IQGAP1: variants seen among roughly 807,000 people sequenced by gnomAD.
IQGAP1 encodes IQ motif containing GTPase activating protein 1.
A neutral mutation model predicts 215.6 loss-of-function variants in IQGAP1; 66 were observed. The ratio of observed to expected loss-of-function variants is 0.31; its 90% confidence interval spans 0.25 to 0.38. IQGAP1 has a LOEUF of 0.38. IQGAP1 is among the 10% of genes least tolerant of loss of function. The pLI is 1.00. For missense variants in IQGAP1, 1,712 were observed against 1,997.1 expected (o/e 0.86, Z 2.72); for synonymous variants, 772 against 728.7 (o/e 1.06, Z -0.96).
At chr15:90,471,485 G>A (rs1054495952) in intron 18 of IQGAP1, among the ~76,000 whole-genome samples, 5 of 151,136 alleles carry the variant, frequency 3.3e-5, no homozygotes, top group African/African-American at 4.9e-5. Context: ...GCATGACCTC[G>A]CTCTACCTCA....
chr15:90,485,663 C>A (rs746705825), intron 30 of IQGAP1, among the ~76,000 whole-genome samples: 1 of 152,110 alleles, frequency 6.6e-6, no homozygotes, highest in Non-Finnish European at 1.5e-5. Flanking sequence ...TGGTCTTGAA[C>A]GCCTGACCTC....
Position 90,474,568 on chromosome 15 carries a change from C to G in IQGAP1, c.2659C>G (p.Leu887Val). Reference protein sequence around the residue: ...DQSDQDFQEELDLMKMREEVI... With the variant: ...DQSDQDFQEEVDLMKMREEVI... ...AAGTGACCAGGATTTTCAGGAGGAG[C>G]TTGACCTTATGAAGATGCGGGAAGA... The change falls in exon 23 of 38, where the codon CTT (leucine) becomes GTT (valine). Residue 887 changes from leucine (L) to valine (V), a missense_variant. Physicochemically the swap from Leu to Val is conservative, Grantham distance 32 (BLOSUM62 1). Transcript: ENST00000268182. 6.2e-7 allele frequency: 1 copy of G among 1,614,118 alleles called. No individual in the cohort carries two copies. Among genetic ancestry groups the G allele is most frequent in the Non-Finnish European group, 8.5e-7 (1 of 1,179,966 alleles).
At chr15:90,487,701 T>C in intron 33 of IQGAP1, 119 bp downstream of exon 33, 1 of 683,630 alleles carries the variant, frequency 1.5e-6, no homozygotes, top group Non-Finnish European at 2.5e-6. Flanking sequence ...TGAGCATGAA[T>C]GTAACTGGGG....
chr15:90,458,284 T>C (rs1481110381), intron 15 of IQGAP1, among the ~76,000 whole-genome samples: 1 of 152,234 alleles, frequency 6.6e-6, no homozygotes. Context: ...ACACATGGAT[T>C]ATTTCCACTT....
intron 28 of IQGAP1, chr15:90,482,616 G>T: frequency 1.9e-6 from 1 of 514,432 alleles, no homozygotes. Context: ...TGCTAAGGCT[G>T]TTGCTGATAA....
rs12438963 is a variant in IQGAP1, at chr15:90,396,188, T to C, written c.155+5315T>C. 8.6e-3 allele frequency among the ~76,000 whole-genome samples: 1,317 copies of C among 152,332 alleles called. 39 individuals carry two copies. In the East Asian group the frequency reaches 0.11, roughly 12 times the overall value. On this transcript the variant is annotated intron_variant, in intron 2 of 37. Coordinates refer to ENST00000268182, the MANE Select transcript of IQGAP1 (RefSeq NM_003870.4). ...TGTGCATATGTCTTTACTGTTGGCA[T>C]AGAGCATTTTCTGGGATGGGCTCTT...
At chr15:90,422,346 A>G (rs1965148309) in intron 2 of IQGAP1, among the ~76,000 whole-genome samples, 1 of 152,006 alleles carries the variant, frequency 6.6e-6, no homozygotes, top group Non-Finnish European at 1.5e-5. Flanking sequence ...TTCTTTTTCA[A>G]TGTTTATATT....
rs559734539 is a variant in IQGAP1, at chr15:90,389,790, TAA to T, written c.56-968_56-967del. Among the ~76,000 whole-genome samples the T allele has an allele frequency of 5.2e-3, 699 of 134,802 alleles. 8 individuals carry two copies. Among genetic ancestry groups the T allele is most frequent in the African/African-American group, 0.018 (661 of 36,654 alleles). 88.4% of individuals were successfully genotyped at this position (134,802 alleles called of 152,430 possible). ...GGCAGCACAGTGAGACTCCATCTCT[TAA>T]AAAAAAAAAAAAAAATTAGCCAGGC... On this transcript the variant is annotated intron_variant, in intron 1 of 37. Coordinates refer to ENST00000268182, the MANE Select transcript of IQGAP1 (RefSeq NM_003870.4).
chr15:90,432,580 G>A (rs892143181), intron 4 of IQGAP1, among the ~76,000 whole-genome samples: 6 of 151,994 alleles, frequency 3.9e-5, no homozygotes, highest in African/African-American at 1.4e-4. Flanking sequence ...TTATTTTTCT[G>A]TTATTTTCTA....
chr15:90,440,719 G>GT, intron 7 of IQGAP1, 104 bp downstream of exon 7: 1 of 708,858 alleles, frequency 1.4e-6, no homozygotes, highest in Non-Finnish European at 2.4e-6. Context: ...TTGCCAGCAA[G>GT]TTTAAGTCCA....
In IQGAP1 at chr15:90,476,833, G is replaced by T; in HGVS notation, c.2940+15G>T. 5 of 1,581,884 alleles carry T rather than the reference G, an allele frequency of 3.2e-6. No homozygotes were observed. The highest frequency in any genetic ancestry group is 4.3e-6 in the Non-Finnish European group (5 of 1,171,964). On this transcript the variant is annotated intron_variant, in intron 24 of 37. Transcript: ENST00000268182. ...ATTTATTGCAAGTAAGTGGCTCCTG[G>T]AATCAGTGTTATAAAAATTTAGTGA...
chr15:90,404,835 C>T (rs1005328727), intron 2 of IQGAP1, among the ~76,000 whole-genome samples: 1 of 152,180 alleles, frequency 6.6e-6, no homozygotes, highest in Non-Finnish European at 1.5e-5. Flanking sequence ...CCTGCCTCGA[C>T]CTCCCAAAGT....
chr15:90,449,447 T>G (rs980019020), intron 10 of IQGAP1, 112 bp from the exon 11 acceptor site: 2 of 862,464 alleles, frequency 2.3e-6, no homozygotes, highest in Non-Finnish European at 3.5e-6. Flanking sequence ...GAGCTGTCAC[T>G]TATGACTATG....
chr15:90,389,870 A>T lies in IQGAP1; in HGVS notation c.56-904A>T, dbSNP rs1040936706. ...TGCTTGGGGCTGAGGTAGGAGGATC[A>T]TTTGAGCCCAGAAAGTCGAGGCTGC... On this transcript the variant is annotated intron_variant, in intron 1 of 37. Transcript: ENST00000268182. Among the ~76,000 whole-genome samples, 9 of 151,164 alleles carry T rather than the reference A, an allele frequency of 6.0e-5. No homozygotes were observed. The East Asian group carries it at 1.8e-3, about 30-fold the overall frequency.
In IQGAP1 at chr15:90,479,839, A is replaced by AT. The variant is rs1274844328; in HGVS notation, c.3329+1957dup. On this transcript the variant is annotated intron_variant, in intron 26 of 37. Transcript: ENST00000268182. ...TCAGATCATTGCAAAAGTCTTTTTA[A>AT]TTTTTTTGCCTGCATACCTGAGGCC... Among the ~76,000 whole-genome samples the AT allele has an allele frequency of 1.4e-4, 21 of 152,122 alleles. 1 individual carries two copies. Among genetic ancestry groups the AT allele is most frequent in the Admixed American group, 7.9e-4 (12 of 15,270 alleles).
At chr15:90,487,137 T>G in intron 32 of IQGAP1, 48 bp downstream of exon 32, 1 of 1,603,918 alleles carries the variant, frequency 6.2e-7, no homozygotes. Flanking sequence ...TCTGAAGGTT[T>G]CTTGGCCTTT....
At chr15:90,428,646 G>A (rs916593654) in intron 3 of IQGAP1, among the ~76,000 whole-genome samples, 8 of 152,010 alleles carry the variant, frequency 5.3e-5, no homozygotes, top group African/African-American at 1.9e-4. Context: ...AGATGGGCAT[G>A]GTGACATGCA....
In IQGAP1 at chr15:90,491,341, A is replaced by G. The variant is rs905939638; in HGVS notation, c.4257A>G (p.Glu1419=). 3 of 1,613,842 alleles carry G rather than the reference A, an allele frequency of 1.9e-6. No individual in the cohort carries two copies. The highest frequency in any genetic ancestry group is 2.5e-6 in the Non-Finnish European group (3 of 1,179,906). ...CTTTTTCCCATCCGTAGGAAGCAGAACATCAGAGAGCCATGCAGAGACGTG... is the reference window on the plus strand; with the variant it reads ...CTTTTTCCCATCCGTAGGAAGCAGAGCATCAGAGAGCCATGCAGAGACGTG... ...ETPATSEQEA[E]HQRAMQRRAI... The change falls in exon 34 of 38, where the codon GAA becomes GAG. Residue 1419 remains glutamate (E), a synonymous_variant. Coordinates refer to ENST00000268182, the MANE Select transcript of IQGAP1 (RefSeq NM_003870.4).
rs1381145746 is a variant in IQGAP1 at position 90,474,468 on chromosome 15, T to C, written c.2576-17T>C. On this transcript the variant is annotated splice_polypyrimidine_tract_variant and intron_variant, in intron 22 of 37. Transcript: ENST00000268182. ...TTTTTCTGCTAACTCCATTCTTTGA[T>C]GCATACTTTCTGTCAGTCAATGCTG... 3.1e-6 allele frequency: 5 copies of C among 1,593,924 alleles called. No homozygotes were observed. In the African/African-American group the frequency reaches 4.0e-5, roughly 13 times the overall value.
Sources: allele counts gnomAD v4.1 joint callset (sites outside exome capture counted in the v4.1 genomes callset), GRCh38; gene constraint gnomAD v4.1.1; transcripts MANE v1.5; gene names NCBI Gene and HGNC (gene_info 2026-07-23, HGNC 2026-07-21).